Variants in TULP4 observed in about 807,000 individuals in gnomAD.
TULP4 encodes TUB like protein 4, also known as tubby-related protein 4.
In TULP4, 16 loss-of-function variants were observed where a neutral mutation model predicts 129.0. The ratio of observed to expected loss-of-function variants is 0.12; its 90% CI spans 0.08 to 0.19. The LOEUF is 0.19. Ranked by LOEUF, TULP4 falls within the 10% of genes least tolerant of loss-of-function variation. The pLI is 1.00. For synonymous variants in TULP4, 998 were observed against 854.0 expected, an observed-to-expected ratio of 1.17 and a Z score of -2.94; for missense variants, 1,842 against 2,059.1, an observed-to-expected ratio of 0.89 and a Z score of 2.04.
intron 1 of TULP4, among the ~76,000 whole-genome samples, chr6:158,331,716 C>CGTATATAT (rs1562523069): frequency 2.0e-4 from 10 of 50,176 alleles, no homozygotes; most frequent in South Asian, 7.3e-4. Flanking sequence ...CACACACACA[C>CGTATATAT]ACACACACAC....
intron 5 of TULP4, among the ~76,000 whole-genome samples, chr6:158,458,314 A>G (rs1162114097): frequency 1.3e-5 from 2 of 152,196 alleles, no homozygotes; most frequent in African/African-American, 2.4e-5. Context: ...GCTAAAAGAG[A>G]ATAGTGTAGG....
At chr6:158,298,876 A>G (rs755596572) in intron 1 of TULP4, among the ~76,000 whole-genome samples, 1 of 152,324 alleles carries the variant, frequency 6.6e-6, no homozygotes, top group Non-Finnish European at 1.5e-5. Context: ...CCGAACAGGT[A>G]GAGGAGCATA....
chr6:158,361,616 A>G (rs1363060979), intron 1 of TULP4, among the ~76,000 whole-genome samples: 2 of 152,156 alleles, frequency 1.3e-5, no homozygotes, highest in Non-Finnish European at 2.9e-5. Flanking sequence ...ATTACTTTTC[A>G]ATTTTTGAGA....
intron 6 of TULP4, among the ~76,000 whole-genome samples, chr6:158,467,731 C>G (rs1288197341): frequency 6.6e-6 from 1 of 152,196 alleles, no homozygotes; most frequent in Non-Finnish European, 1.5e-5. Flanking sequence ...TCCATCCCCT[C>G]TAGAATTAGC....
In TULP4 at chr6:158,503,648, C is replaced by T. The variant is rs200432004; in HGVS notation, c.3985C>T (p.Arg1329Trp). ...LSLTESPVPQ[R>W]TEKFGKKNRK... is the part of the protein sequence containing the mutation. The stretch of plus-strand genomic sequence containing the variant: ...CCTGACCGAAAGCCCAGTCCCCCAG[C>T]GGACAGAAAAATTTGGAAAGAAGAA... The change falls in exon 13 of 14, where the codon CGG becomes TGG. Residue 1329 changes from arginine (R) to tryptophan (W), a missense_variant. Physicochemically the swap from Arg to Trp is moderately radical, Grantham distance 101. Transcript: ENST00000367097. This position sits in a 1 kb window ranked among gnomAD's most constrained non-coding sequence, Gnocchi z 4.3. The T allele has an allele frequency of 1.9e-6, 3 of 1,613,948 alleles. No homozygotes were observed. Among genetic ancestry groups the T allele is most frequent in the South Asian group, 2.2e-5 (2 of 91,078 alleles).
chr6:158,388,947 G>C (rs1024968289), intron 1 of TULP4, among the ~76,000 whole-genome samples: 12 of 152,320 alleles, frequency 7.9e-5, no homozygotes, highest in African/African-American at 2.9e-4. Context: ...GGTGGACACA[G>C]TGATTTACTG....
intron 3 of TULP4, among the ~76,000 whole-genome samples, chr6:158,434,783 C>T (rs1471085365): frequency 1.3e-5 from 2 of 152,172 alleles, no homozygotes; most frequent in Non-Finnish European, 2.9e-5. Context: ...GTGTGGTCCT[C>T]CTAGGGCGGT....
chr6:158,434,690 C>T (rs1351274788), intron 3 of TULP4, among the ~76,000 whole-genome samples: 2 of 152,190 alleles, frequency 1.3e-5, no homozygotes, highest in East Asian at 3.9e-4. Context: ...AGCCTTTCAA[C>T]TAGAGAATGC....
chr6:158,347,446 C>T (rs1780338319), intron 1 of TULP4, among the ~76,000 whole-genome samples: 1 of 152,178 alleles, frequency 6.6e-6, no homozygotes, highest in Non-Finnish European at 1.5e-5. Flanking sequence ...ACTTGGTTAC[C>T]AGGCTTCTCT....
chr6:158,462,139 T>G (rs929286150), intron 6 of TULP4, among the ~76,000 whole-genome samples: 3 of 152,226 alleles, frequency 2.0e-5, no homozygotes, highest in Admixed American at 1.3e-4. Flanking sequence ...CTTGTGTATC[T>G]CCTGCATACG....
chr6:158,356,710 A>G lies in TULP4; in HGVS notation c.252+42442A>G, dbSNP rs538192225. On this transcript the variant is annotated intron_variant, in intron 1 of 13. Coordinates refer to ENST00000367097, the MANE Select transcript of TULP4 (RefSeq NM_020245.5). ...AAAAAGCCAGATGGTAGATAGGGTA[A>G]TTGACGGGGAGGGGCTCAGGAGCAT... Among the ~76,000 whole-genome samples the G allele has an allele frequency of 3.7e-4, 56 of 152,192 alleles. 1 individual carries two copies. The South Asian group carries it at 8.7e-3, about 24-fold the overall frequency.
chr6:158,358,190 G>T (rs1005783960), intron 1 of TULP4, among the ~76,000 whole-genome samples: 2 of 152,228 alleles, frequency 1.3e-5, no homozygotes, highest in Admixed American at 1.3e-4. Context: ...CCATGCAGGG[G>T]TGCAAGTGGA....
intron 11 of TULP4, among the ~76,000 whole-genome samples, chr6:158,498,407 A>C (rs570305727): frequency 1.3e-5 from 2 of 152,252 alleles, no homozygotes; most frequent in African/African-American, 4.8e-5. Context: ...TGAAATTTGT[A>C]GTTCTGTAGA....
At chr6:158,477,683 G>A (rs1337016884) in intron 6 of TULP4, among the ~76,000 whole-genome samples, 1 of 152,154 alleles carries the variant, frequency 6.6e-6, no homozygotes, top group Non-Finnish European at 1.5e-5. Context: ...AAATTAGTTC[G>A]GCCATTGTAG....
intron 1 of TULP4, among the ~76,000 whole-genome samples, chr6:158,383,070 G>C (rs139978488): frequency 1.3e-5 from 2 of 152,344 alleles, no homozygotes; most frequent in South Asian, 2.1e-4. Flanking sequence ...GGAGCAGTCT[G>C]ACAAATTTTG....
At chr6:158,464,293 T>C (rs1779507005) in intron 6 of TULP4, among the ~76,000 whole-genome samples, 1 of 152,210 alleles carries the variant, frequency 6.6e-6, no homozygotes, top group Non-Finnish European at 1.5e-5. Context: ...TGGTTAAGCC[T>C]GTGGAAAGAT....
chr6:158,392,794 CTTTTTTTTTTTTT>C (rs773565295), intron 1 of TULP4, among the ~76,000 whole-genome samples: 2 of 54,642 alleles, frequency 3.7e-5, no homozygotes, highest in Admixed American at 3.0e-4. Flanking sequence ...ATTTGTATTT[CTTTTTTTTTTTTT>C]TTTTTTTTTT....
At chr6:158,327,316 A>G (rs1035011118) in intron 1 of TULP4, among the ~76,000 whole-genome samples, 30 of 152,220 alleles carry the variant, frequency 2.0e-4, no homozygotes, top group Admixed American at 7.9e-4. Flanking sequence ...TTTCACATTA[A>G]CAAGGTAGAG....
In TULP4 at chr6:158,509,551, A is replaced by C. The variant is rs1489700939; in HGVS notation, c.*2857A>C. 4 of 152,256 alleles carry C rather than the reference A, an allele frequency of 2.6e-5. No homozygotes were observed. The highest frequency in any genetic ancestry group is 2.6e-4 in the Admixed American group (4 of 15,292). 9.4% of individuals were successfully genotyped at this position (152,256 alleles called of 1,614,324 possible). A position where few individuals can be genotyped will look rare whatever the true frequency, so the allele number is the denominator to read the frequency against. On this transcript the variant is annotated 3_prime_UTR_variant, in exon 14 of 14. Transcript: ENST00000367097. ...AATATAGGGGAAAATCTTTGAAATG[A>C]AAGCTACAAATACATGTGAGAAGAA... is the stretch of plus-strand genomic sequence containing the variant.
Sources: gnomAD v4.1 joint callset for allele counts (sites outside exome capture counted in the v4.1 genomes callset) on GRCh38, gnomAD v4.1.1 for gene constraint, Gnocchi (gnomAD v3.1) non-coding constraint, MANE v1.5 for transcripts, NCBI Gene and HGNC (gene_info 2026-07-23, HGNC 2026-07-21) for gene names.